Variants in XPR1 observed in about 807,000 individuals in gnomAD.
XPR1 encodes the protein solute carrier family 53 member 1.
In XPR1, 28 loss-of-function variants were observed where a neutral mutation model predicts 87.5. That is an observed-to-expected ratio of 0.32 (90% CI 0.24 to 0.44). The LOEUF (loss-of-function observed/expected upper bound fraction) is 0.44, where lower values mean the gene tolerates loss of function less well. XPR1 is among the 20% of genes least tolerant of loss of function. The probability of loss-of-function intolerance (pLI) is 1.00; values close to 1 mark genes in which losing one functional copy is unlikely to be tolerated. For synonymous variants in XPR1, 300 were observed against 306.1 expected, an observed-to-expected ratio of 0.98 and a Z score of 0.21; for missense variants, 559 against 862.3, an observed-to-expected ratio of 0.65 and a Z score of 4.41.
intron 3 of XPR1, among the ~76,000 whole-genome samples, chr1:180,793,279 C>T (rs888276805): frequency 1.9e-4 from 29 of 152,102 alleles, no homozygotes; most frequent in African/African-American, 7.0e-4. Flanking sequence ...TCCTGTTTTA[C>T]AATGTCTTGC....
intron 11 of XPR1, among the ~76,000 whole-genome samples, chr1:180,858,670 A>G (rs1038206473): frequency 1.1e-4 from 17 of 152,172 alleles, no homozygotes; most frequent in African/African-American, 3.9e-4. Flanking sequence ...GAGGCAGTCT[A>G]TATTCAAACC....
At chr1:180,765,379 T>C (rs1648242947) in intron 2 of XPR1, among the ~76,000 whole-genome samples, 1 of 152,266 alleles carries the variant, frequency 6.6e-6, no homozygotes, top group Admixed American at 6.5e-5. Context: ...GATTTCAGTA[T>C]TCTGTTCTAA....
chr1:180,758,766 A>G (rs1417661791), intron 2 of XPR1: 1 of 150,902 alleles, frequency 6.6e-6, no homozygotes, highest in Non-Finnish European at 1.5e-5. Context: ...AACGATACAG[A>G]GAAGATTAGC....
rs1436658230 is a variant in XPR1 at position 180,686,158 on chromosome 1, A to G, written c.121+3747A>G. On this transcript the variant is annotated intron_variant, in intron 2 of 14. Transcript: ENST00000367590. ...AATTTTCCTCTACACACTGCTTTGA[A>G]TGTGTCCCAGAGATTCTGGTATGTT... Among the ~76,000 whole-genome samples, 3 of 152,002 alleles carry G rather than the reference A, an allele frequency of 2.0e-5. No homozygotes were observed. The East Asian group carries it at 5.8e-4, about 29-fold the overall frequency.
chr1:180,659,876 T>G (rs566777727), intron 1 of XPR1, among the ~76,000 whole-genome samples: 13 of 152,094 alleles, frequency 8.5e-5, no homozygotes, highest in Non-Finnish European at 1.5e-4. Flanking sequence ...ATAACTGACC[T>G]CATAGAATGA....
intron 2 of XPR1, among the ~76,000 whole-genome samples, chr1:180,713,449 C>T (rs2101987311): frequency 6.6e-6 from 1 of 152,246 alleles, no homozygotes; most frequent in Non-Finnish European, 1.5e-5. Context: ...GACAGTTTTA[C>T]TTCTACCTTT....
intron 11 of XPR1, among the ~76,000 whole-genome samples, chr1:180,851,361 G>A (rs191218462): frequency 4.4e-4 from 67 of 152,262 alleles, no homozygotes; most frequent in African/African-American, 1.4e-3. Context: ...GGGGTGTGGT[G>A]GAGGAGTAGA....
At chr1:180,873,655 C>T in intron 12 of XPR1, 148 bp from the exon 13 acceptor site, 2 of 831,548 alleles carry the variant, frequency 2.4e-6, no homozygotes, top group Non-Finnish European at 3.6e-6. Context: ...TGTGTACTTC[C>T]CTGCAAAATA....
intron 2 of XPR1, among the ~76,000 whole-genome samples, chr1:180,757,102 C>G (rs1431282015): frequency 6.6e-6 from 1 of 152,192 alleles, no homozygotes; most frequent in Admixed American, 6.5e-5. Flanking sequence ...ATCAACTTTA[C>G]TCTTCTTTTT....
At chr1:180,856,178 G>GTAAT (rs1428031578) in intron 11 of XPR1, among the ~76,000 whole-genome samples, 3 of 151,714 alleles carry the variant, frequency 2.0e-5, no homozygotes, top group Non-Finnish European at 2.9e-5. Context: ...TAACTCTATA[G>GTAAT]TAATTAACAC....
At chr1:180,834,775 A>G (rs145731051) in intron 9 of XPR1, 99 bp from the exon 10 acceptor site, 2 of 1,321,708 alleles carry the variant, frequency 1.5e-6, no homozygotes, top group African/African-American at 1.5e-5. Context: ...TTTCCATTTT[A>G]TCAACTAAAG....
chr1:180,696,975 T>C (rs1157804255), intron 2 of XPR1, among the ~76,000 whole-genome samples: 1 of 152,150 alleles, frequency 6.6e-6, no homozygotes, highest in Non-Finnish European at 1.5e-5. Context: ...GATTTTGTTA[T>C]TGGGGTAATG....
intron 11 of XPR1, among the ~76,000 whole-genome samples, chr1:180,837,996 G>A (rs759078321): frequency 2.6e-5 from 4 of 152,012 alleles, no homozygotes; most frequent in African/African-American, 4.8e-5. Context: ...TGCAGTTGAC[G>A]CCTGAACAGC....
intron 2 of XPR1, among the ~76,000 whole-genome samples, chr1:180,757,777 G>A (rs1436098967): frequency 6.9e-6 from 1 of 145,128 alleles, no homozygotes; most frequent in Non-Finnish European, 1.5e-5. Flanking sequence ...GCCTCCCAAA[G>A]CACTGGGATT....
intron 9 of XPR1, 63 bp downstream of exon 9, chr1:180,825,407 A>T: frequency 3.3e-6 from 5 of 1,516,370 alleles, no homozygotes; most frequent in Non-Finnish European, 4.4e-6. Flanking sequence ...TTCCTCTAAG[A>T]TAAAACCAAG....
At chr1:180,668,732 T>C (rs1384194167) in intron 1 of XPR1, among the ~76,000 whole-genome samples, 2 of 152,232 alleles carry the variant, frequency 1.3e-5, no homozygotes, top group African/African-American at 4.8e-5. Context: ...TTTCTGTTAA[T>C]TGATTTCTAA....
At chr1:180,637,050 C>CAAAAAAAAAAAAAAAAAAAAAAAAA (rs34479247) in intron 1 of XPR1, among the ~76,000 whole-genome samples, 1 of 81,602 alleles carries the variant, frequency 1.2e-5, no homozygotes, top group Admixed American at 1.5e-4. Context: ...GACTTCATCT[C>CAAAAAAAAAAAAAAAAAAAAAAAAA]AAAAAAAAAA....
rs183060967 is a variant in XPR1 at position 180,668,633 on chromosome 1, C to A, written c.70-13727C>A. 2.6e-5 allele frequency among the ~76,000 whole-genome samples: 4 copies of A among 152,242 alleles called. No homozygotes were observed. The East Asian group carries it at 7.7e-4, about 29-fold the overall frequency. On this transcript the variant is annotated intron_variant, in intron 1 of 14. Coordinates refer to ENST00000367590, the MANE Select transcript of XPR1 (RefSeq NM_004736.4). ...TTTTCATTCCTCTCTAAATGTTTTA[C>A]AATTTTCCTTGTGATTTCTTCTTTG...
intron 2 of XPR1, among the ~76,000 whole-genome samples, chr1:180,684,582 A>G (rs1436567006): frequency 2.6e-5 from 4 of 152,040 alleles, no homozygotes; most frequent in East Asian, 1.9e-4. Context: ...CTTGGGCAGT[A>G]TGGCCATTTT....
Sources: allele counts gnomAD v4.1 joint callset (sites outside exome capture counted in the v4.1 genomes callset), GRCh38; gene constraint gnomAD v4.1.1; transcripts MANE v1.5; gene names NCBI Gene and HGNC (gene_info 2026-07-23, HGNC 2026-07-21).